NHS: variants seen among roughly 807,000 people sequenced by gnomAD.
NHS encodes the protein NHS actin remodeling regulator.
NHS carries 5 observed loss-of-function variants against 72.5 expected under a neutral mutation model. The observed-to-expected ratio is 0.07, with a 90% CI of 0.04 to 0.14. The LOEUF (loss-of-function observed/expected upper bound fraction) is 0.14, where lower values mean the gene tolerates loss of function less well. NHS is among the 10% of genes least tolerant of loss of function. The probability of loss-of-function intolerance (pLI) is 1.00; values close to 1 mark genes in which losing one functional copy is unlikely to be tolerated. For synonymous variants in NHS, 464 were observed against 547.7 expected (o/e 0.85, Z 2.13); for missense variants, 1,072 against 1,355.7 (o/e 0.79, Z 3.29).
chrX:17,714,757 A>G (rs1273191802), intron 3 of NHS, among the ~76,000 whole-genome samples: 2 of 112,144 alleles, frequency 1.8e-5, no homozygotes, highest in East Asian at 5.6e-4. Flanking sequence ...AGAATAATTT[A>G]GTTCATATAA....
intron 1 of NHS, among the ~76,000 whole-genome samples, chrX:17,433,492 G>A (rs1279326253): frequency 9.0e-6 from 1 of 110,572 alleles, no homozygotes; most frequent in African/African-American, 3.3e-5. Context: ...GGGCATGGCT[G>A]GTTAGAGAGA....
Position 17,732,438 on chromosome X carries a change from G to A in NHS, c.4930G>A (p.Asp1644Asn), listed in dbSNP as rs1277989703. ...AAATTCTGACGGGAGCCCACATGAC[G>A]ACCGTTCCTCCCAGAGTTCAACATA... ...TENSDGSPHD[D>N]RSSQSST Residue 1644 changes from aspartate (D) to asparagine (N), a missense_variant, in exon 9 of 9, where the codon GAC (aspartate) becomes AAC (asparagine). Physicochemically the swap from Asp to Asn is conservative, Grantham distance 23. Coordinates refer to ENST00000676302, the MANE Select transcript of NHS (RefSeq NM_001291867.2). The A allele has an allele frequency of 2.5e-6, 3 of 1,211,122 alleles. No homozygotes were observed. Among genetic ancestry groups the A allele is most frequent in the African/African-American group, 1.7e-5 (1 of 57,502 alleles).
chrX:17,500,685 G>A (rs761549199), intron 1 of NHS, among the ~76,000 whole-genome samples: 9 of 111,938 alleles, frequency 8.0e-5, no homozygotes, highest in East Asian at 2.8e-4. Context: ...AAGACTTTAC[G>A]CCTCTGCACA....
chrX:17,549,134 TAAA>T (rs112708749), intron 1 of NHS, among the ~76,000 whole-genome samples: 4 of 78,478 alleles, frequency 5.1e-5, no homozygotes, highest in Non-Finnish European at 7.3e-5. Flanking sequence ...GGCCCCTCAT[TAAA>T]AAAAAAAAAA....
intron 1 of NHS, among the ~76,000 whole-genome samples, chrX:17,415,141 CTCTA>C (rs1320385617): frequency 8.9e-6 from 1 of 111,789 alleles, no homozygotes; most frequent in Non-Finnish European, 1.9e-5. Flanking sequence ...GGGACACTGG[CTCTA>C]TCTGTCTGGC....
intron 1 of NHS, among the ~76,000 whole-genome samples, chrX:17,504,680 A>G (rs2065048829): frequency 8.9e-6 from 1 of 112,160 alleles, no homozygotes; most frequent in Admixed American, 9.5e-5. Context: ...ACTGGCAGCT[A>G]ACAGAACAAT....
chrX:17,482,429 A>G (rs746141163), intron 1 of NHS, among the ~76,000 whole-genome samples: 7 of 112,354 alleles, frequency 6.2e-5, no homozygotes, highest in Non-Finnish European at 1.3e-4. Context: ...CTTCCTAAAC[A>G]TTTTTCCAAC....
At chrX:17,412,311 G>A (rs763402729) in intron 1 of NHS, among the ~76,000 whole-genome samples, 11 of 110,963 alleles carry the variant, frequency 9.9e-5, no homozygotes, top group East Asian at 2.8e-4. Context: ...GAAAACAAGC[G>A]TTGCTGGGTG....
chrX:17,541,911 G>A (rs779620613), intron 1 of NHS, among the ~76,000 whole-genome samples: 1 of 110,843 alleles, frequency 9.0e-6, no homozygotes, highest in Non-Finnish European at 1.9e-5. Context: ...TTCCCTGTGC[G>A]ACCTCAGTGG....
chrX:17,525,015 A>G (rs2065165920), intron 1 of NHS, among the ~76,000 whole-genome samples: 1 of 112,113 alleles, frequency 8.9e-6, no homozygotes, highest in Admixed American at 9.4e-5. Context: ...AGCTGAGCTC[A>G]CAGGGAGGAA....
intron 1 of NHS, among the ~76,000 whole-genome samples, chrX:17,475,831 C>G (rs111948514): frequency 0.043 from 4,848 of 111,941 alleles, 275 homozygotes; most frequent in African/African-American, 0.15. Flanking sequence ...CCTTCCTGCC[C>G]CTCGCCTCGT....
chrX:17,465,057 C>T (rs2064865234), intron 1 of NHS, among the ~76,000 whole-genome samples: 1 of 111,885 alleles, frequency 8.9e-6, no homozygotes, highest in Non-Finnish European at 1.9e-5. Context: ...GAACTTGCAG[C>T]CAGCTTATGA....
At position 17,716,962 on chromosome X, in the gene NHS, CT is replaced by C. The variant is rs768134707; in HGVS notation, c.853-2365del. On this transcript the variant is annotated intron_variant, in intron 3 of 8. Coordinates refer to ENST00000676302, the MANE Select transcript of NHS (RefSeq NM_001291867.2). ...TGAGATCTTGAGCATTCCCCTTACT[CT>C]TTTTTTTTTTTTTTTTCCCTCCGAG... Among the ~76,000 whole-genome samples the C allele has an allele frequency of 4.7e-3, 451 of 95,425 alleles. 1 individual carries two copies. Among genetic ancestry groups the C allele is most frequent in the Middle Eastern group, 0.033 (6 of 180 alleles). The allele number at this position is 95,425 out of a possible 115,157, so 82.9% of individuals were successfully genotyped here. A position where few individuals can be genotyped will look rare whatever the true frequency, so the allele number is the denominator to read the frequency against.
At chrX:17,693,922 A>G (rs1406790394) in intron 3 of NHS, among the ~76,000 whole-genome samples, 2 of 112,921 alleles carry the variant, frequency 1.8e-5, no homozygotes, top group Non-Finnish European at 3.7e-5. Context: ...CATTTTCTGC[A>G]TAAAAATGCT....
At chrX:17,384,833 C>A (rs1179841599) in intron 1 of NHS, among the ~76,000 whole-genome samples, 1 of 112,231 alleles carries the variant, frequency 8.9e-6, no homozygotes, top group Non-Finnish European at 1.9e-5. Flanking sequence ...GATAGTTCAG[C>A]TTAATTTCTT....
At chrX:17,604,474 A>G (rs923232747) in intron 1 of NHS, among the ~76,000 whole-genome samples, 3 of 112,412 alleles carry the variant, frequency 2.7e-5, no homozygotes, top group Non-Finnish European at 5.6e-5. Context: ...ACACATTTTC[A>G]GAGATGCTGT....
At chrX:17,583,251 C>T (rs1230730983) in intron 1 of NHS, among the ~76,000 whole-genome samples, 3 of 111,547 alleles carry the variant, frequency 2.7e-5, no homozygotes, top group African/African-American at 9.8e-5. Context: ...GAGCTTATAT[C>T]CTAGGGAAGA....
chrX:17,580,445 G>A (rs983467426), intron 1 of NHS, among the ~76,000 whole-genome samples: 2 of 112,130 alleles, frequency 1.8e-5, no homozygotes, highest in Non-Finnish European at 3.8e-5. Flanking sequence ...TCTAGTGGGA[G>A]GGGGCAGAGA....
chrX:17,545,292 A>G (rs2065286632), intron 1 of NHS, among the ~76,000 whole-genome samples: 1 of 112,559 alleles, frequency 8.9e-6, no homozygotes, highest in African/African-American at 3.2e-5. Flanking sequence ...TTAATACAAT[A>G]GACATTTATT....
Sources: gnomAD v4.1 joint callset for allele counts (sites outside exome capture counted in the v4.1 genomes callset) on GRCh38, gnomAD v4.1.1 for gene constraint, MANE v1.5 for transcripts, NCBI Gene and HGNC (gene_info 2026-07-23, HGNC 2026-07-21) for gene names.